The following SERPINA1 variants were observed in gnomAD, a reference collection of about 807,000 sequenced individuals.
SERPINA1 encodes the protein alpha-1-antitrypsin.
Under a neutral mutation model 25.4 loss-of-function variants are expected in SERPINA1, and 21 were observed. The observed-to-expected ratio is 0.83, with a 90% CI of 0.59 to 1.19. SERPINA1 has a LOEUF of 1.19. Among genes scored for constraint, SERPINA1 ranks in the 50% most tolerant of loss-of-function variants. The pLI, the probability that SERPINA1 is intolerant of heterozygous loss-of-function variation, is 0.00. For synonymous variants in SERPINA1, 218 were observed against 211.1 expected, an observed-to-expected ratio of 1.03 and a Z score of -0.29; for missense variants, 546 against 509.0, an observed-to-expected ratio of 1.07 and a Z score of -0.70.
At chr14:94,381,890 TC>T (rs1030891152) in intron 2 of SERPINA1, among the ~76,000 whole-genome samples, 159 of 152,278 alleles carry the variant, frequency 1.0e-3, no homozygotes, top group African/African-American at 3.6e-3. Context: ...TGGCCTTGCC[TC>T]CCACCTCCCC....
rs1397721119 is a variant in SERPINA1, at chr14:94,378,422, G to A, written c.*27C>T. On this transcript the variant is annotated 3_prime_UTR_variant, in exon 5 of 5. Coordinates refer to ENST00000393087, the MANE Select transcript of SERPINA1 (RefSeq NM_000295.5). The stretch of plus-strand genomic sequence containing the variant: ...ATCCAGGGAGGGGGCCAGGGATGGA[G>A]GGGAGGGGTTGAGGAGCGAGAGGCA... 2.5e-6 allele frequency: 4 copies of A among 1,604,598 alleles called. No homozygotes were observed. Among genetic ancestry groups the A allele is most frequent in the Non-Finnish European group, 3.4e-6 (4 of 1,171,400 alleles).
chr14:94,380,113 C>G (rs1394312542), intron 3 of SERPINA1, among the ~76,000 whole-genome samples: 1 of 152,274 alleles, frequency 6.6e-6, no homozygotes, highest in Non-Finnish European at 1.5e-5. Context: ...ATCCGTTACC[C>G]TCTCAGCCTC....
intron 1 of SERPINA1, among the ~76,000 whole-genome samples, chr14:94,385,894 C>T (rs1897258627): frequency 6.6e-6 from 1 of 152,102 alleles, no homozygotes. Context: ...GGGTCAGGGC[C>T]TTGTTGAGGC....
At chr14:94,384,957 T>G (rs1317759255) in intron 1 of SERPINA1, among the ~76,000 whole-genome samples, 1 of 152,242 alleles carries the variant, frequency 6.6e-6, no homozygotes, top group Non-Finnish European at 1.5e-5. Context: ...AATACATGTT[T>G]GTATTTTTCT....
intron 3 of SERPINA1, 143 bp from the exon 4 acceptor site, chr14:94,379,754 G>C: frequency 8.8e-7 from 1 of 1,138,420 alleles, no homozygotes; most frequent in Non-Finnish European, 1.3e-6. Context: ...TGGGAACTCG[G>C]CTTTGGTTTG....
At chr14:94,385,244 C>T (rs145782592) in intron 1 of SERPINA1, among the ~76,000 whole-genome samples, 21 of 152,368 alleles carry the variant, frequency 1.4e-4, no homozygotes, top group African/African-American at 3.8e-4. Flanking sequence ...AGCAAGAATC[C>T]TCTGGTCCTG....
rs2139663218 is a variant in SERPINA1, at chr14:94,378,319, A to G, written c.*130T>C. The stretch of plus-strand genomic sequence containing the variant: ...AGCCCACATACAGCCTCAGCAGGCA[A>G]AGGGAGACTCAGAGAAAACATGGGA... On this transcript the variant is annotated 3_prime_UTR_variant, in exon 5 of 5. Coordinates refer to ENST00000393087, the MANE Select transcript of SERPINA1 (RefSeq NM_000295.5). The G allele has an allele frequency of 1.2e-6, 1 of 811,652 alleles. No individual in the cohort carries two copies. The highest frequency in any genetic ancestry group is 2.5e-5 in the East Asian group (1 of 40,220). 50.3% of individuals were successfully genotyped at this position (811,652 alleles called of 1,614,324 possible).
At position 94,379,580 on chromosome 14, in the gene SERPINA1, T is replaced by A; in HGVS notation, c.949A>T (p.Ile317Phe). Residue 317 changes from isoleucine to phenylalanine, a missense_variant, in exon 4 of 5, where the codon ATT becomes TTT. Transcript: ENST00000393087. ...SASLHLPKLSITGTYDLKSVL... is the reference protein window; with the variant it reads ...SASLHLPKLSFTGTYDLKSVL... ...CTCTTCAGATCATAGGTTCCAGTAA[T>A]GGACAGTTTGGGTAAATGTAAGCTG... 1 of 1,614,218 alleles carries A rather than the reference T, an allele frequency of 6.2e-7. No individual in the cohort carries two copies. The highest frequency in any genetic ancestry group is 8.5e-7 in the Non-Finnish European group (1 of 1,180,030).
Position 94,378,711 on chromosome 14 carries a change from C to A in SERPINA1, c.1066-71G>T, listed in dbSNP as rs1476904303. ...CCTCGAGCAAGGCTCACGTGGACACCTCCCAGGAAGCGCTCACTCCCCCTG... is the reference window on the plus strand; with the variant it reads ...CCTCGAGCAAGGCTCACGTGGACACATCCCAGGAAGCGCTCACTCCCCCTG... On this transcript the variant is annotated intron_variant, in intron 4 of 4. Transcript: ENST00000393087. The A allele has an allele frequency of 4.0e-6, 6 of 1,489,620 alleles. No individual in the cohort carries two copies. In the East Asian group the frequency reaches 7.6e-5, roughly 19 times the overall value. 92.3% of individuals were successfully genotyped at this position (1,489,620 alleles called of 1,614,324 possible).
intron 2 of SERPINA1, among the ~76,000 whole-genome samples, chr14:94,382,047 C>A (rs1382497418): frequency 1.3e-5 from 2 of 152,186 alleles, no homozygotes; most frequent in African/African-American, 4.8e-5. Context: ...ACACACCATC[C>A]CCACAGTCTT....
chr14:94,379,341 G>A (rs895821952), intron 4 of SERPINA1, 123 bp downstream of exon 4: 8 of 1,407,774 alleles, frequency 5.7e-6, no homozygotes, highest in Middle Eastern at 4.9e-4. Flanking sequence ...ATCTTCAGGA[G>A]CTCAGCCTGG....
At chr14:94,382,154 G>A (rs886288151) in intron 2 of SERPINA1, among the ~76,000 whole-genome samples, 3 of 152,214 alleles carry the variant, frequency 2.0e-5, no homozygotes, top group Non-Finnish European at 4.4e-5. Context: ...AGAATGCATT[G>A]TTTTTGTCAA....
At position 94,382,978 on chromosome 14, in the gene SERPINA1, A is replaced by G; in HGVS notation, c.260T>C (p.Met87Thr). The G allele has an allele frequency of 6.2e-7, 1 of 1,608,068 alleles. No individual in the cohort carries two copies. The highest frequency in any genetic ancestry group is 8.5e-7 in the Non-Finnish European group (1 of 1,175,372). Residue 87 changes from methionine (M) to threonine (T), a missense_variant, in exon 2 of 5, where the codon ATG (methionine) becomes ACG (threonine). Coordinates refer to ENST00000393087, the MANE Select transcript of SERPINA1 (RefSeq NM_000295.5). ...SPVSIATAFA[M>T]LSLGTKADTH... is the part of the protein sequence containing the mutation. ...GTCAGCCTTGGTCCCCAGGGAGAGC[A>G]TTGCAAAGGCTGTAGCGATGCTCAC...
chr14:94,384,615 A>T (rs571827829), intron 1 of SERPINA1, among the ~76,000 whole-genome samples: 1 of 152,294 alleles, frequency 6.6e-6, no homozygotes, highest in South Asian at 2.1e-4. Context: ...GCAGCCCCCT[A>T]GGTAGAACCT....
chr14:94,382,517 G>A, intron 2 of SERPINA1, 75 bp downstream of exon 2: 3 of 1,589,388 alleles, frequency 1.9e-6, no homozygotes, highest in Middle Eastern at 1.7e-4. Context: ...GCCAAGGAGA[G>A]TTCAAGAACT....
chr14:94,390,409 G>C (rs1003379161), upstream of SERPINA1: 1 of 152,556 alleles, frequency 6.6e-6, no homozygotes, highest in Non-Finnish European at 1.5e-5. Flanking sequence ...AAGCCCTGCT[G>C]TCCCTCCCAC....
chr14:94,382,945 T>C lies in SERPINA1; in HGVS notation c.293A>G (p.Asp98Gly). ...LSLGTKADTH[D>G]EILEGLNFNL... is the part of the protein sequence containing the mutation. ...GAAATTCAGGCCCTCCAGGATTTCA[T>C]CGTGAGTGTCAGCCTTGGTCCCCAG... Residue 98 changes from aspartate to glycine, a missense_variant, in exon 2 of 5, where the codon GAT (aspartate) becomes GGT (glycine). Asp to Gly is a moderately conservative substitution (Grantham distance 94). Transcript: ENST00000393087. The C allele has an allele frequency of 2.5e-6, 4 of 1,610,388 alleles. No individual in the cohort carries two copies. Among genetic ancestry groups the C allele is most frequent in the Non-Finnish European group, 3.4e-6 (4 of 1,177,128 alleles).
chr14:94,384,283 T>C (rs1181013340), intron 1 of SERPINA1, among the ~76,000 whole-genome samples: 1 of 152,112 alleles, frequency 6.6e-6, no homozygotes, highest in Non-Finnish European at 1.5e-5. Context: ...ATACATAAAG[T>C]GATGTTTATG....
Position 94,383,007 on chromosome 14 carries a change from G to A in SERPINA1, c.231C>T (p.Ser77=), listed in dbSNP as rs746839619. The A allele has an allele frequency of 2.0e-5, 33 of 1,610,154 alleles. No individual in the cohort carries two copies. Among genetic ancestry groups the A allele is most frequent in the South Asian group, 1.2e-4 (11 of 90,982 alleles). The change falls in exon 2 of 5, where the codon TCC becomes TCT. Residue 77 remains serine, a synonymous_variant. Coordinates refer to ENST00000393087, the MANE Select transcript of SERPINA1 (RefSeq NM_000295.5). ...CAAAGGCTGTAGCGATGCTCACTGG[G>A]GAGAAGAAGATATTGGTGCTGTTGG... ...HQSNSTNIFF[S]PVSIATAFAM...
Sources: allele counts gnomAD v4.1 joint callset (sites outside exome capture counted in the v4.1 genomes callset), GRCh38; gene constraint gnomAD v4.1.1; transcripts MANE v1.5; gene names NCBI Gene and HGNC (gene_info 2026-07-23, HGNC 2026-07-21).